Variants in PTPRG observed in about 807,000 individuals in gnomAD.
PTPRG encodes receptor-type tyrosine-protein phosphatase gamma.
In PTPRG, 102 loss-of-function variants were observed where a neutral mutation model predicts 165.3. That is an observed-to-expected ratio of 0.62 (90% confidence interval 0.53 to 0.73). The LOEUF (loss-of-function observed/expected upper bound fraction) is 0.73, where lower values mean the gene tolerates loss of function less well. PTPRG is among the 30% of genes least tolerant of loss of function. The pLI is 0.00. For synonymous variants in PTPRG, 675 were observed against 669.5 expected (o/e 1.01, Z -0.13); for missense variants, 1,866 against 1,861.4 (o/e 1.00, Z -0.05).
At position 62,254,623 on chromosome 3, in the gene PTPRG, A is replaced by C. The variant is rs1038568675; in HGVS notation, c.2468-501A>C. On this transcript the variant is annotated intron_variant, in intron 15 of 29. Coordinates refer to ENST00000474889, the MANE Select transcript of PTPRG (RefSeq NM_002841.4). This position sits in a 1 kb window ranked among gnomAD's most constrained non-coding sequence, Gnocchi z 4.6. ...ATTGTACCCAGAGCCAGCTGGTACAATGGCATCTATCTATAATTGTGTATA... is the reference window on the plus strand; with the variant it reads ...ATTGTACCCAGAGCCAGCTGGTACACTGGCATCTATCTATAATTGTGTATA... Among the ~76,000 whole-genome samples, 1 of 152,030 alleles carries C rather than the reference A, an allele frequency of 6.6e-6. No individual in the cohort carries two copies.
At chr3:61,672,673 C>T (rs1282292646) in intron 1 of PTPRG, among the ~76,000 whole-genome samples, 3 of 145,082 alleles carry the variant, frequency 2.1e-5, no homozygotes, top group African/African-American at 5.1e-5. Flanking sequence ...GCAGCAGTAC[C>T]GTCCAGCTTC....
At chr3:61,833,466 C>T (rs2036367209) in intron 2 of PTPRG, among the ~76,000 whole-genome samples, 2 of 152,146 alleles carry the variant, frequency 1.3e-5, no homozygotes, top group Non-Finnish European at 2.9e-5. Context: ...AGAGTCCCTG[C>T]GAGGATGTAG....
intron 1 of PTPRG, among the ~76,000 whole-genome samples, chr3:61,694,565 C>G (rs1029610340): frequency 6.6e-6 from 1 of 152,118 alleles, no homozygotes; most frequent in East Asian, 1.9e-4. Context: ...GAGAAATTAT[C>G]CCATGGAAAA....
chr3:62,291,314 A>G (rs1702890097), intron 28 of PTPRG, among the ~76,000 whole-genome samples: 2 of 152,166 alleles, frequency 1.3e-5, no homozygotes, highest in South Asian at 2.1e-4. Context: ...TTAAAACTAA[A>G]AACAGGCATA....
chr3:62,143,347 C>G (rs1703999369), intron 6 of PTPRG, among the ~76,000 whole-genome samples: 1 of 152,092 alleles, frequency 6.6e-6, no homozygotes. Context: ...AATCCTGAGG[C>G]AGAAATGTCA....
chr3:62,204,083 A>T, intron 12 of PTPRG, 133 bp downstream of exon 12: 12 of 1,397,006 alleles, frequency 8.6e-6, no homozygotes, highest in Non-Finnish European at 1.1e-5. Flanking sequence ...TCTGTCATAG[A>T]AAAGGTGCAC....
At chr3:61,661,736 T>C (rs1311464574) in intron 1 of PTPRG, among the ~76,000 whole-genome samples, 1 of 152,168 alleles carries the variant, frequency 6.6e-6, no homozygotes, top group African/African-American at 2.4e-5. Flanking sequence ...TGTGTAGATA[T>C]TAGCATTCTT....
intron 2 of PTPRG, among the ~76,000 whole-genome samples, chr3:61,837,359 T>C (rs573391827): frequency 6.6e-6 from 1 of 152,330 alleles, no homozygotes; most frequent in South Asian, 2.1e-4. Flanking sequence ...TGAATCCAGC[T>C]TTTTCATCTT....
At chr3:61,896,068 T>C (rs2038347719) in intron 2 of PTPRG, among the ~76,000 whole-genome samples, 1 of 152,206 alleles carries the variant, frequency 6.6e-6, no homozygotes, top group Non-Finnish European at 1.5e-5. Flanking sequence ...ATGTGCATTA[T>C]GTAGGTGTGT....
chr3:61,841,527 A>C (rs1455707393), intron 2 of PTPRG, among the ~76,000 whole-genome samples: 1 of 152,174 alleles, frequency 6.6e-6, no homozygotes, highest in Non-Finnish European at 1.5e-5. Context: ...TTTTTATTGA[A>C]TCCGTTTCAC....
At chr3:61,749,081 G>T in intron 2 of PTPRG, 99 bp downstream of exon 2, 1 of 983,596 alleles carries the variant, frequency 1.0e-6, no homozygotes, top group Non-Finnish European at 1.6e-6. Context: ...CCTGAGTTCT[G>T]TTTGCTCAAA....
At chr3:62,278,792 T>C (rs1309197421) in intron 26 of PTPRG, among the ~76,000 whole-genome samples, 3 of 152,032 alleles carry the variant, frequency 2.0e-5, no homozygotes, top group African/African-American at 7.2e-5. Flanking sequence ...AATTTTCAAA[T>C]TAGCTGGCAA....
chr3:62,152,303 T>C (rs1704366289), intron 6 of PTPRG, among the ~76,000 whole-genome samples: 1 of 152,022 alleles, frequency 6.6e-6, no homozygotes, highest in African/African-American at 2.4e-5. Context: ...GCCCAGGAGT[T>C]CAAGGTTGCG....
intron 6 of PTPRG, among the ~76,000 whole-genome samples, chr3:62,141,130 A>G (rs1703911195): frequency 1.3e-5 from 2 of 152,230 alleles, no homozygotes; most frequent in Admixed American, 1.3e-4. Context: ...ATAGTCAAAT[A>G]TTAAAAATCT....
intron 8 of PTPRG, among the ~76,000 whole-genome samples, chr3:62,176,228 C>A (rs1705418102): frequency 1.3e-5 from 2 of 151,624 alleles, no homozygotes; most frequent in Admixed American, 6.6e-5. Flanking sequence ...TGGAGGAGAG[C>A]TTTGGAGATT....
chr3:61,715,455 G>A (rs1000857596), intron 1 of PTPRG, among the ~76,000 whole-genome samples: 1 of 152,152 alleles, frequency 6.6e-6, no homozygotes, highest in Non-Finnish European at 1.5e-5. Flanking sequence ...CTGGGCTCAA[G>A]ATGTCCACCT....
At chr3:62,113,578 G>A (rs761594061) in intron 5 of PTPRG, among the ~76,000 whole-genome samples, 3 of 152,112 alleles carry the variant, frequency 2.0e-5, no homozygotes, top group Non-Finnish European at 4.4e-5. Context: ...TCGAAATGCA[G>A]ATCACTTTTT....
At chr3:61,805,078 T>A (rs2035372183) in intron 2 of PTPRG, among the ~76,000 whole-genome samples, 1 of 152,192 alleles carries the variant, frequency 6.6e-6, no homozygotes. Context: ...CTGCACCACT[T>A]CTCTGACCTT....
At chr3:61,935,101 C>T (rs532966247) in intron 2 of PTPRG, among the ~76,000 whole-genome samples, 2 of 152,278 alleles carry the variant, frequency 1.3e-5, no homozygotes, top group South Asian at 4.1e-4. Flanking sequence ...CTGAAGAGAG[C>T]TGCCACGTGC....
Sources: allele counts gnomAD v4.1 joint callset (sites outside exome capture counted in the v4.1 genomes callset), GRCh38; gene constraint gnomAD v4.1.1; non-coding constraint Gnocchi (gnomAD v3.1); transcripts MANE v1.5; gene names NCBI Gene and HGNC (gene_info 2026-07-23, HGNC 2026-07-21).